ARHGEF2: variants seen among roughly 807,000 people sequenced by gnomAD.
ARHGEF2 encodes the protein Rho/Rac guanine nucleotide exchange factor 2, also known as rho guanine nucleotide exchange factor 2.
A neutral mutation model predicts 121.0 loss-of-function variants in ARHGEF2; 22 were observed. That is an observed-to-expected ratio of 0.18 (90% confidence interval 0.13 to 0.26). ARHGEF2 has a LOEUF of 0.26. Ranked by LOEUF, ARHGEF2 falls within the 10% of genes least tolerant of loss-of-function variation. ARHGEF2 has a pLI of 1.00. For synonymous variants in ARHGEF2, 487 were observed against 530.0 expected (o/e 0.92, Z 1.11); for missense variants, 907 against 1,336.0 (o/e 0.68, Z 5.01).
rs1280572007 is a variant in ARHGEF2, at chr1:155,965,593, C to T, written c.470+38G>A. The T allele has an allele frequency of 6.2e-7, 1 of 1,612,024 alleles. No individual in the cohort carries two copies. Among genetic ancestry groups the T allele is most frequent in the African/African-American group, 1.3e-5 (1 of 75,016 alleles). ...AGCACCCCCTTGGCCTCCACTGCCA[C>T]ACTCTCTGGCTGCCCCTTTCCCCAA... On this transcript the variant is annotated intron_variant, in intron 5 of 21. Coordinates refer to ENST00000361247, the MANE Select transcript of ARHGEF2 (RefSeq NM_001162383.2). This position sits in a 1 kb window ranked among gnomAD's most constrained non-coding sequence, Gnocchi z 6.0.
chr1:155,963,068 G>C lies in ARHGEF2; in HGVS notation c.840C>G (p.Phe280Leu), dbSNP rs1678293855. The change falls in exon 8 of 22, where the codon TTC (phenylalanine) becomes TTG (leucine). Residue 280 changes from phenylalanine to leucine, a missense_variant. By Grantham distance (22) the Phe-to-Leu change is conservative (BLOSUM62 0). Transcript: ENST00000361247. ...HLEPGVVQGL[F>L]PCVDELSDIH... ...TGTCACTGAGCTCGTCCACGCAGGG[G>C]AACAGGCCCTGGACCACTCCTGGCT... The C allele has an allele frequency of 3.7e-6, 6 of 1,614,144 alleles. No homozygotes were observed. The highest frequency in any genetic ancestry group is 5.1e-6 in the Non-Finnish European group (6 of 1,180,016).
At position 155,947,971 on chromosome 1, in the gene ARHGEF2, C is replaced by T; in HGVS notation, c.2932G>A (p.Asp978Asn). 1.9e-6 allele frequency: 3 copies of T among 1,551,110 alleles called. No individual in the cohort carries two copies. The highest frequency in any genetic ancestry group is 2.6e-6 in the Non-Finnish European group (3 of 1,146,772). Residue 978 changes from aspartate (D) to asparagine (N), a missense_variant, in exon 22 of 22, where the codon GAC (aspartate) becomes AAC (asparagine). By Grantham distance (23) the Asp-to-Asn change is conservative. This residue lies in a region of ARHGEF2 where 432 missense variants were observed against 559.5 expected (regional missense o/e 0.77). Coordinates refer to ENST00000361247, the MANE Select transcript of ARHGEF2 (RefSeq NM_001162383.2). ...CTCTCGGAGGCTACAGCCTCCCCGT[C>T]GCGGCTCTCCGTCTCCTCCGGGATG... is the stretch of plus-strand genomic sequence containing the variant. ...QDIPEETESR[D>N]GEAVASES
intron 1 of ARHGEF2, among the ~76,000 whole-genome samples, chr1:155,971,740 T>G (rs1343590969): frequency 2.0e-5 from 3 of 151,728 alleles, no homozygotes; most frequent in Admixed American, 2.0e-4. Context: ...AGTTTGAGCA[T>G]GTATTACATT....
Position 155,962,761 on chromosome 1 carries a change from G to C in ARHGEF2, c.976-43C>G. 1 of 1,612,630 alleles carries C rather than the reference G, an allele frequency of 6.2e-7. No homozygotes were observed. The highest frequency in any genetic ancestry group is 8.5e-7 in the Non-Finnish European group (1 of 1,179,246). ...AAGGTTAGGTCAGCATTCCCCCAAA[G>C]CCACACTTTACCCACTGGACACACC... On this transcript the variant is annotated intron_variant, in intron 8 of 21. Coordinates refer to ENST00000361247, the MANE Select transcript of ARHGEF2 (RefSeq NM_001162383.2). The surrounding 1 kb of genome is among the most constrained non-coding windows in gnomAD (Gnocchi z 5.8).
rs1677008541 is a variant in ARHGEF2 at position 155,957,816 on chromosome 1, T to C, written c.1612A>G (p.Met538Val). 6.2e-7 allele frequency: 1 copy of C among 1,614,066 alleles called. No individual in the cohort carries two copies. Among genetic ancestry groups the C allele is most frequent in the South Asian group, 1.1e-5 (1 of 91,088 alleles). Residue 538 changes from methionine to valine, a missense_variant, in exon 13 of 22, where the codon ATG becomes GTG. Physicochemically the swap from Met to Val is conservative, Grantham distance 21. Transcript: ENST00000361247. The part of the protein sequence containing the change: ...VRDIANQEKG[M>V]FLISAAPPEM... Reference sequence around the variant, plus strand: ...GGTGGGGCTGCGCTGATCAGAAACATCCCTTTCTCCTGGTTGGCAATGTCT... The same window carrying C: ...GGTGGGGCTGCGCTGATCAGAAACACCCCTTTCTCCTGGTTGGCAATGTCT...
rs751186042 is a variant in ARHGEF2, at chr1:155,950,380, G to A, written c.2806C>T (p.Arg936Trp). 6.2e-6 allele frequency: 10 copies of A among 1,613,912 alleles called. No homozygotes were observed. The highest frequency in any genetic ancestry group is 6.8e-6 in the Non-Finnish European group (8 of 1,180,020). ...ERQELGSPEE[R>W]LQDSSDPDTG... ...TCAGGGTCACTGCTGTCTTGCAGCCGCTCTTCGGGGCTCCCCAGTTCCTGC... is the reference window on the plus strand; with the variant it reads ...TCAGGGTCACTGCTGTCTTGCAGCCACTCTTCGGGGCTCCCCAGTTCCTGC... Residue 936 changes from arginine (R) to tryptophan (W), a missense_variant, in exon 21 of 22, where the codon CGG (arginine) becomes TGG (tryptophan). By Grantham distance (101) the Arg-to-Trp change is moderately radical. Transcript: ENST00000361247. The surrounding 1 kb of genome is among the most constrained non-coding windows in gnomAD (Gnocchi z 5.2).
chr1:155,968,711 GTCCTGA>G, intron 2 of ARHGEF2: 1 of 164,620 alleles, frequency 6.1e-6, no homozygotes, highest in Non-Finnish European at 1.3e-5. Flanking sequence ...GGACTGTGAA[GTCCTGA>G]ATGCCCAGCT....
rs1674543900 is a variant in ARHGEF2, at chr1:155,947,122, G to T, written c.*820C>A. 6 of 348,820 alleles carry T rather than the reference G, an allele frequency of 1.7e-5. No individual in the cohort carries two copies. The highest frequency in any genetic ancestry group is 1.3e-4 in the South Asian group (6 of 45,190). 21.6% of individuals were successfully genotyped at this position (348,820 alleles called of 1,614,324 possible). A position where few individuals can be genotyped will look rare whatever the true frequency, so the allele number is the denominator to read the frequency against. On this transcript the variant is annotated 3_prime_UTR_variant, in exon 22 of 22. Transcript: ENST00000361247. Reference sequence around the variant, plus strand: ...TATAGGTCCCCCCGTTACTGCAGATGAAGGCAGAAGTCATTCTCTCCCCCA... The same window carrying T: ...TATAGGTCCCCCCGTTACTGCAGATTAAGGCAGAAGTCATTCTCTCCCCCA...
At chr1:155,974,095 AG>A (rs1680923750) in intron 1 of ARHGEF2, among the ~76,000 whole-genome samples, 1 of 152,026 alleles carries the variant, frequency 6.6e-6, no homozygotes, top group Non-Finnish European at 1.5e-5. Flanking sequence ...TATGTTGCCC[AG>A]GCTTGTCTCA....
In ARHGEF2 at chr1:155,958,077, G is replaced by A. The variant is rs1462627273; in HGVS notation, c.1546-195C>T. Among the ~76,000 whole-genome samples, 8 of 152,196 alleles carry A rather than the reference G, an allele frequency of 5.3e-5. No homozygotes were observed. In the East Asian group the frequency reaches 1.3e-3, roughly 26 times the overall value. Reference sequence around the variant, plus strand: ...CCTTGACAAATTATTTAACTGACTTGAAGCTTTACTTTCATCATCTATAAA... The same window carrying A: ...CCTTGACAAATTATTTAACTGACTTAAAGCTTTACTTTCATCATCTATAAA... On this transcript the variant is annotated intron_variant, in intron 12 of 21. Coordinates refer to ENST00000361247, the MANE Select transcript of ARHGEF2 (RefSeq NM_001162383.2).
At chr1:155,966,053 G>A (rs1446346853) in intron 4 of ARHGEF2, among the ~76,000 whole-genome samples, 3 of 152,148 alleles carry the variant, frequency 2.0e-5, no homozygotes, top group Non-Finnish European at 4.4e-5. Context: ...CAGGGACTGA[G>A]GCTCTGCTCT....
chr1:155,965,496 G>C lies in ARHGEF2; in HGVS notation c.471-84C>G, dbSNP rs1679187907. On this transcript the variant is annotated intron_variant, in intron 5 of 21. Transcript: ENST00000361247. This position sits in a 1 kb window ranked among gnomAD's most constrained non-coding sequence, Gnocchi z 6.0. ...GTAGGGAACCAAAGCCAGGATCCAA[G>C]AGGCGGTCCCCCTAAGTTCTCCTTA... 1 of 1,600,522 alleles carries C rather than the reference G, an allele frequency of 6.2e-7. No individual in the cohort carries two copies. The highest frequency in any genetic ancestry group is 8.6e-7 in the Non-Finnish European group (1 of 1,168,512).
chr1:155,974,552 G>A lies in ARHGEF2; in HGVS notation c.63+3813C>T, dbSNP rs562871814. 1.7e-3 allele frequency among the ~76,000 whole-genome samples: 258 copies of A among 152,158 alleles called. 1 individual carries two copies. The highest frequency in any genetic ancestry group is 5.9e-3 in the African/African-American group (247 of 41,528). On this transcript the variant is annotated intron_variant, in intron 1 of 21. Coordinates refer to ENST00000361247, the MANE Select transcript of ARHGEF2 (RefSeq NM_001162383.2). ...GCCCTGCTCCTTTATGAGCTTCCAG[G>A]GACAAGATGAAGACAGGAGGCAGAG...
Position 155,955,418 on chromosome 1 carries a change from G to A in ARHGEF2, c.1716-449C>T, listed in dbSNP as rs1483070136. Among the ~76,000 whole-genome samples, 4 of 151,774 alleles carry A rather than the reference G, an allele frequency of 2.6e-5. No homozygotes were observed. The South Asian group carries it at 6.2e-4, about 24-fold the overall frequency. The stretch of plus-strand genomic sequence containing the variant: ...CAGGCATGAGCCACCGCGCCCGGCC[G>A]ACCTTCTCCCATTTCTTAGCACTGA... On this transcript the variant is annotated intron_variant, in intron 13 of 21. Coordinates refer to ENST00000361247, the MANE Select transcript of ARHGEF2 (RefSeq NM_001162383.2).
chr1:155,968,597 T>C (rs1679884822), intron 2 of ARHGEF2: 1 of 152,806 alleles, frequency 6.5e-6, no homozygotes, highest in Admixed American at 6.5e-5. Flanking sequence ...ACATTCCCTC[T>C]TTCTCACTAG....
At chr1:155,969,325 G>A (rs533807894) in intron 1 of ARHGEF2, 25 bp from the exon 2 acceptor site, 2 of 1,612,456 alleles carry the variant, frequency 1.2e-6, no homozygotes, top group Non-Finnish European at 1.7e-6. Flanking sequence ...AGAGGGAGAG[G>A]AAGTGAGGCT....
chr1:155,960,274 G>A (rs969431169), intron 11 of ARHGEF2, among the ~76,000 whole-genome samples: 1 of 152,064 alleles, frequency 6.6e-6, no homozygotes, highest in African/African-American at 2.4e-5. Flanking sequence ...AGCAAGACTA[G>A]CCTAGGCAAC....
chr1:155,978,329 G>C lies in ARHGEF2; in HGVS notation c.63+36C>G. The stretch of plus-strand genomic sequence containing the variant: ...GTGCCGGGGTTCGGGGAGCACCCGA[G>C]GACCGCGGCGAAAGGAGAGGGGTTT... On this transcript the variant is annotated intron_variant, in intron 1 of 21. Transcript: ENST00000361247. The surrounding 1 kb of genome is among the most constrained non-coding windows in gnomAD (Gnocchi z 4.1). The C allele has an allele frequency of 6.7e-7, 1 of 1,484,452 alleles. No individual in the cohort carries two copies. The highest frequency in any genetic ancestry group is 1.3e-5 in the South Asian group (1 of 79,340). 92.0% of individuals were successfully genotyped at this position (1,484,452 alleles called of 1,614,324 possible).
At chr1:155,958,107 G>C (rs548414758) in intron 12 of ARHGEF2, among the ~76,000 whole-genome samples, 1 of 152,318 alleles carries the variant, frequency 6.6e-6, no homozygotes, top group Non-Finnish European at 1.5e-5. Context: ...TATAAAATGA[G>C]GACGAAAATA....
Sources: gnomAD v4.1 joint callset for allele counts (sites outside exome capture counted in the v4.1 genomes callset) on GRCh38, gnomAD v4.1.1 for gene constraint, gnomAD v4.1.1 regional missense constraint, Gnocchi (gnomAD v3.1) non-coding constraint, MANE v1.5 for transcripts, NCBI Gene and HGNC (gene_info 2026-07-23, HGNC 2026-07-21) for gene names.